The following RBL1 variants were observed in gnomAD, a reference collection of about 807,000 sequenced individuals.
RBL1 encodes retinoblastoma-like protein 1.
A neutral mutation model predicts 123.0 loss-of-function variants in RBL1; 82 were observed. The observed-to-expected ratio is 0.67, with a 90% CI of 0.56 to 0.80. The LOEUF (loss-of-function observed/expected upper bound fraction) is 0.80. Ranked by LOEUF, RBL1 falls within the 30% of genes least tolerant of loss-of-function variation. RBL1 has a pLI of 0.00. For synonymous variants in RBL1, 405 were observed against 441.3 expected (o/e 0.92, Z 1.03); for missense variants, 1,171 against 1,299.6 (o/e 0.90, Z 1.52).
At chr20:37,070,195 A>C (rs1009512301) in intron 2 of RBL1, among the ~76,000 whole-genome samples, 3 of 152,042 alleles carry the variant, frequency 2.0e-5, no homozygotes, top group Non-Finnish European at 4.4e-5. Context: ...CTCTGAAACA[A>C]GTGCTGTGTC....
chr20:36,999,296 C>T (rs905269325), intron 21 of RBL1, among the ~76,000 whole-genome samples: 15 of 152,214 alleles, frequency 9.9e-5, no homozygotes, highest in African/African-American at 3.6e-4. Context: ...GTCTCAGCTA[C>T]TCGGGAGGTT....
intron 20 of RBL1, among the ~76,000 whole-genome samples, chr20:37,006,711 ACT>A (rs1397791165): frequency 6.8e-6 from 1 of 147,906 alleles, no homozygotes; most frequent in Non-Finnish European, 1.5e-5. Context: ...GTGGTGACAC[ACT>A]CCTGTAATCC....
chr20:37,047,179 C>T lies in RBL1; in HGVS notation c.1479G>A (p.Glu493=). The T allele has an allele frequency of 6.3e-7, 1 of 1,591,066 alleles. No homozygotes were observed. Among genetic ancestry groups the T allele is most frequent in the Non-Finnish European group, 8.5e-7 (1 of 1,174,948 alleles). Residue 493 remains glutamate (E), a synonymous_variant, in exon 12 of 22, where the codon GAG becomes GAA. Transcript: ENST00000373664. ...LHGMDMSVLL[E]QDIFHRSLMA... ...TCAAGGAACGATGAAATATATCTTG[C>T]TCTAAAAGAACCTGGGGGAAGAGAA... is the stretch of plus-strand genomic sequence containing the variant.
At position 37,042,899 on chromosome 20, in the gene RBL1, C is replaced by CG. The variant is rs146851589; in HGVS notation, c.1770+1186_1770+1187insC. On this transcript the variant is annotated intron_variant, in intron 13 of 21. Transcript: ENST00000373664. Reference sequence around the variant, plus strand: ...GGGTGACAGAGTGAGATCTTGTCCCCCCCCCTCCAAAAAAAAAAAAAAAAA... The same window carrying CG: ...GGGTGACAGAGTGAGATCTTGTCCCCGCCCCCTCCAAAAAAAAAAAAAAAAA... 2.5e-3 allele frequency among the ~76,000 whole-genome samples: 285 copies of CG among 112,780 alleles called. 16 individuals are homozygous for CG. The East Asian group carries it at 0.064, about 25-fold the overall frequency. The allele number at this position is 112,780 out of a possible 152,430, so 74.0% of individuals were successfully genotyped here. A position where few individuals can be genotyped will look rare whatever the true frequency, so the allele number is the denominator to read the frequency against.
In RBL1 at chr20:37,062,067, A is replaced by G. The variant is rs1233288277; in HGVS notation, c.1083+17T>C. The G allele has an allele frequency of 6.3e-7, 1 of 1,595,840 alleles. No homozygotes were observed. The highest frequency in any genetic ancestry group is 8.6e-7 in the Non-Finnish European group (1 of 1,169,240). On this transcript the variant is annotated intron_variant, in intron 8 of 21. Coordinates refer to ENST00000373664, the MANE Select transcript of RBL1 (RefSeq NM_002895.5). ...AAAAAGATCATTCAAGATTGAGGCCAGGCTAGGTTATATTACTTTTTCAAA... is the reference window on the plus strand; with the variant it reads ...AAAAAGATCATTCAAGATTGAGGCCGGGCTAGGTTATATTACTTTTTCAAA...
In RBL1 at chr20:37,061,180, G is replaced by C. The variant is rs1430888818; in HGVS notation, c.1173C>G (p.Thr391=). ...TACTCTGTAACCGGCTCACACTTTGGGTGGCTGATGCAACAGGAGTAATGA... is the reference window on the plus strand; with the variant it reads ...TACTCTGTAACCGGCTCACACTTTGCGTGGCTGATGCAACAGGAGTAATGA... The part of the protein sequence containing the change: ...EAVITPVASA[T]QSVSRLQSIV... Residue 391 remains threonine (T), a synonymous_variant, in exon 9 of 22, where the codon ACC becomes ACG. Transcript: ENST00000373664. 3.1e-6 allele frequency: 5 copies of C among 1,613,738 alleles called. No individual in the cohort carries two copies. The highest frequency in any genetic ancestry group is 4.2e-6 in the Non-Finnish European group (5 of 1,179,872).
chr20:37,082,951 G>C (rs1429790813), intron 2 of RBL1, among the ~76,000 whole-genome samples: 3 of 152,136 alleles, frequency 2.0e-5, no homozygotes, highest in Non-Finnish European at 4.4e-5. Context: ...GCAGTGAGCT[G>C]AGATCATGTT....
At chr20:37,005,839 T>C (rs1443266062) in intron 20 of RBL1, among the ~76,000 whole-genome samples, 1 of 151,306 alleles carries the variant, frequency 6.6e-6, no homozygotes, top group Admixed American at 6.6e-5. Flanking sequence ...AAACAGCTAT[T>C]GGCTGTCCGG....
chr20:37,035,422 C>T lies in RBL1; in HGVS notation c.1990G>A (p.Asp664Asn). 2 of 1,613,918 alleles carry T rather than the reference C, an allele frequency of 1.2e-6. No individual in the cohort carries two copies. Among genetic ancestry groups the T allele is most frequent in the Non-Finnish European group, 1.7e-6 (2 of 1,179,850 alleles). The change falls in exon 15 of 22, where the codon GAC becomes AAC. Residue 664 changes from aspartate to asparagine, a missense_variant. By Grantham distance (23) the Asp-to-Asn change is conservative. Transcript: ENST00000373664. ...TCCATAAGCATTTCCTTTGGGGGGT[C>T]CTCTCCAAAGAGTCTTCTCTTAGCA... is the stretch of plus-strand genomic sequence containing the variant. The part of the protein sequence containing the change: ...GSAKRRLFGE[D>N]PPKEMLMDKI...
intron 7 of RBL1, among the ~76,000 whole-genome samples, chr20:37,063,522 C>T (rs6093874): frequency 0.57 from 86,010 of 150,648 alleles, 25,492 homozygotes; most frequent in African/African-American, 0.76. Context: ...GATTTTTTTT[C>T]TTTAATTGAG....
intron 16 of RBL1, among the ~76,000 whole-genome samples, chr20:37,027,209 G>T (rs1198568451): frequency 2.3e-4 from 35 of 151,914 alleles, no homozygotes; most frequent in Admixed American, 2.3e-3. Flanking sequence ...TTAGCTGGGT[G>T]GGGTGGTGCA....
intron 11 of RBL1, among the ~76,000 whole-genome samples, chr20:37,052,279 G>C (rs959204183): frequency 6.6e-6 from 1 of 151,652 alleles, no homozygotes; most frequent in Admixed American, 6.6e-5. Flanking sequence ...GATCCACCCG[G>C]CTTGGCCTCC....
chr20:36,999,767 G>T (rs373206604), intron 21 of RBL1, among the ~76,000 whole-genome samples: 9 of 152,138 alleles, frequency 5.9e-5, no homozygotes, highest in East Asian at 3.9e-4. Flanking sequence ...GTGCCGGGAT[G>T]GCAGACGGAG....
At chr20:37,073,705 G>GAAAAAAAAAAAAAAAAAAA (rs796752326) in intron 2 of RBL1, among the ~76,000 whole-genome samples, 1 of 103,140 alleles carries the variant, frequency 9.7e-6, no homozygotes, top group African/African-American at 3.8e-5. Flanking sequence ...CTCAAAAAAA[G>GAAAAAAAAAAAAAAAAAAA]AAAAAAAAAA....
chr20:37,023,246 C>T (rs1441159311), intron 16 of RBL1, among the ~76,000 whole-genome samples: 2 of 151,992 alleles, frequency 1.3e-5, no homozygotes, highest in African/African-American at 2.4e-5. Flanking sequence ...CTCAGCCTCC[C>T]GAGTAACTGG....
At chr20:37,034,566 C>G (rs1158042184) in intron 15 of RBL1, among the ~76,000 whole-genome samples, 1 of 151,910 alleles carries the variant, frequency 6.6e-6, no homozygotes, top group Admixed American at 6.6e-5. Context: ...TGCCTGTGGT[C>G]CCAGCTACTC....
At chr20:37,009,181 C>T (rs181010203) in intron 19 of RBL1, among the ~76,000 whole-genome samples, 59 of 152,234 alleles carry the variant, frequency 3.9e-4, no homozygotes, top group Non-Finnish European at 6.6e-4. Context: ...CATGCCACCA[C>T]GTCTGGCTAA....
intron 2 of RBL1, among the ~76,000 whole-genome samples, chr20:37,079,962 G>T (rs1759439533): frequency 6.6e-6 from 1 of 151,972 alleles, no homozygotes; most frequent in Non-Finnish European, 1.5e-5. Flanking sequence ...AGACAGGAAA[G>T]AATTCAGGAC....
chr20:37,016,358 C>T (rs866543904), intron 19 of RBL1, among the ~76,000 whole-genome samples: 1 of 151,902 alleles, frequency 6.6e-6, no homozygotes, highest in African/African-American at 2.4e-5. Context: ...TCCTCGTTGC[C>T]TTGAAAAGGC....
Sources: allele counts gnomAD v4.1 joint callset (sites outside exome capture counted in the v4.1 genomes callset), GRCh38; gene constraint gnomAD v4.1.1; transcripts MANE v1.5; gene names NCBI Gene and HGNC (gene_info 2026-07-23, HGNC 2026-07-21).